Variants in NXPH2 observed in about 807,000 individuals in gnomAD.
The protein encoded by NXPH2 is neurexophilin-2.
A neutral mutation model predicts 19.8 loss-of-function variants in NXPH2; 5 were observed. The ratio of observed to expected loss-of-function variants is 0.25; its 90% CI spans 0.13 to 0.53. The LOEUF (loss-of-function observed/expected upper bound fraction) is 0.53, where lower values mean the gene tolerates loss of function less well. Ranked by LOEUF, NXPH2 falls within the 20% of genes least tolerant of loss-of-function variation. NXPH2 has a pLI of 0.96. For missense variants in NXPH2, 289 were observed against 322.8 expected (o/e 0.90, Z 0.80); for synonymous variants, 154 against 127.4 (o/e 1.21, Z -1.41).
intron 1 of NXPH2, among the ~76,000 whole-genome samples, chr2:138,721,981 T>C (rs1681285192): frequency 6.6e-6 from 1 of 152,204 alleles, no homozygotes; most frequent in Non-Finnish European, 1.5e-5. Flanking sequence ...CTTGATTCAG[T>C]AGAAAGAGCA....
chr2:138,741,067 A>G (rs17598945), intron 1 of NXPH2, among the ~76,000 whole-genome samples: 23,437 of 152,020 alleles, frequency 0.15, 1,990 homozygotes, highest in East Asian at 0.24. Context: ...GGTGCTATAT[A>G]AACTCCTGGT....
At chr2:138,673,196 C>T (rs1023462387) in intron 1 of NXPH2, among the ~76,000 whole-genome samples, 2 of 152,086 alleles carry the variant, frequency 1.3e-5, no homozygotes, top group African/African-American at 2.4e-5. Context: ...ATTTTGAGAA[C>T]CTAAATCCAT....
At chr2:138,718,237 T>C (rs1360332751) in intron 1 of NXPH2, among the ~76,000 whole-genome samples, 1 of 152,118 alleles carries the variant, frequency 6.6e-6, no homozygotes, top group Non-Finnish European at 1.5e-5. Flanking sequence ...GACACATACT[T>C]AAATTTTACA....
At chr2:138,748,050 G>C (rs1482737907) in intron 1 of NXPH2, among the ~76,000 whole-genome samples, 1 of 152,188 alleles carries the variant, frequency 6.6e-6, no homozygotes, top group Non-Finnish European at 1.5e-5. Context: ...CTAGAGTTGA[G>C]CTATGGGTCC....
intron 1 of NXPH2, among the ~76,000 whole-genome samples, chr2:138,694,890 G>T (rs1430599955): frequency 6.6e-6 from 1 of 152,146 alleles, no homozygotes; most frequent in Non-Finnish European, 1.5e-5. Context: ...TTTGGAGCAG[G>T]TGTGAAAATC....
chr2:138,730,207 TAAA>T (rs1681426806), intron 1 of NXPH2, among the ~76,000 whole-genome samples: 1 of 151,914 alleles, frequency 6.6e-6, no homozygotes. Context: ...TTTTTTTCTT[TAAA>T]AAGAGACAAA....
chr2:138,735,995 G>T (rs962429656), intron 1 of NXPH2, among the ~76,000 whole-genome samples: 1 of 152,240 alleles, frequency 6.6e-6, no homozygotes, highest in African/African-American at 2.4e-5. Flanking sequence ...CAAGAGGTGG[G>T]TTCCCATTGT....
At chr2:138,680,796 T>C (rs998558825) in intron 1 of NXPH2, among the ~76,000 whole-genome samples, 17 of 152,226 alleles carry the variant, frequency 1.1e-4, no homozygotes, top group South Asian at 4.1e-4. Context: ...AGAAAACCAA[T>C]TGATCTTGGA....
rs148332020 is a variant in NXPH2, at chr2:138,726,934, CCT to C, written c.51+53255_51+53256del. ...TTTGACTGCCTTAAAAATCCTCTGT[CCT>C]CTCTCTATTCATCCCTCCCTCCCTG... On this transcript the variant is annotated intron_variant, in intron 1 of 1. Transcript: ENST00000272641. 3.3e-3 allele frequency among the ~76,000 whole-genome samples: 502 copies of C among 152,216 alleles called. 2 individuals carry two copies. The highest frequency in any genetic ancestry group is 0.012 in the African/African-American group (487 of 41,520).
chr2:138,777,131 CT>C (rs1296231244), intron 1 of NXPH2, among the ~76,000 whole-genome samples: 3 of 151,928 alleles, frequency 2.0e-5, no homozygotes, highest in African/African-American at 7.2e-5. Flanking sequence ...AAAAATCACA[CT>C]TATTACCAGT....
intron 1 of NXPH2, among the ~76,000 whole-genome samples, chr2:138,745,609 CAAT>C (rs1681716273): frequency 6.6e-6 from 1 of 151,340 alleles, no homozygotes; most frequent in Non-Finnish European, 1.5e-5. Flanking sequence ...GAAAGAGCAT[CAAT>C]AAGAGAATCA....
chr2:138,689,088 C>T (rs1460899319), intron 1 of NXPH2, among the ~76,000 whole-genome samples: 2 of 152,306 alleles, frequency 1.3e-5, no homozygotes, highest in East Asian at 1.9e-4. Flanking sequence ...TTTCGTATTG[C>T]CATTTCTCCC....
chr2:138,689,071 T>C (rs1405520117), intron 1 of NXPH2, among the ~76,000 whole-genome samples: 1 of 152,236 alleles, frequency 6.6e-6, no homozygotes, highest in East Asian at 1.9e-4. Flanking sequence ...AAATTTTCCC[T>C]GGAATTTTTC....
chr2:138,673,504 T>C (rs973725647), intron 1 of NXPH2, among the ~76,000 whole-genome samples: 4 of 152,344 alleles, frequency 2.6e-5, no homozygotes, highest in African/African-American at 9.6e-5. Context: ...TTATCACTAC[T>C]ATGTATTGGG....
intron 1 of NXPH2, among the ~76,000 whole-genome samples, chr2:138,738,763 C>T (rs1030327207): frequency 5.9e-5 from 9 of 152,172 alleles, no homozygotes; most frequent in East Asian, 1.9e-4. Context: ...CCCCTTGCTC[C>T]GCCTGGTTAA....
At chr2:138,706,310 G>C (rs905136364) in intron 1 of NXPH2, among the ~76,000 whole-genome samples, 4 of 152,208 alleles carry the variant, frequency 2.6e-5, no homozygotes, top group Admixed American at 2.6e-4. Flanking sequence ...CAAGAAAGTA[G>C]CAGAGCTGCT....
At chr2:138,718,024 G>A (rs1431679290) in intron 1 of NXPH2, among the ~76,000 whole-genome samples, 2 of 151,932 alleles carry the variant, frequency 1.3e-5, no homozygotes, top group Admixed American at 6.6e-5. Context: ...AGAAATAAAA[G>A]AGAAAGTAAA....
intron 1 of NXPH2, among the ~76,000 whole-genome samples, chr2:138,763,753 T>G (rs1270910250): frequency 6.6e-6 from 1 of 152,162 alleles, no homozygotes; most frequent in Non-Finnish European, 1.5e-5. Flanking sequence ...ACAAAGGGGT[T>G]TCGAGCACAC....
At chr2:138,707,856 A>G (rs1681041469) in intron 1 of NXPH2, among the ~76,000 whole-genome samples, 1 of 152,154 alleles carries the variant, frequency 6.6e-6, no homozygotes, top group African/African-American at 2.4e-5. Context: ...CTGTCAGCCA[A>G]TAGGTCCCTC....
Sources: gnomAD v4.1 joint callset for allele counts (sites outside exome capture counted in the v4.1 genomes callset) on GRCh38, gnomAD v4.1.1 for gene constraint, MANE v1.5 for transcripts, NCBI Gene and HGNC (gene_info 2026-07-23, HGNC 2026-07-21) for gene names.